The following FKTN variants were observed in gnomAD, a reference collection of about 807,000 sequenced individuals.
The protein encoded by FKTN is fukutin, also known as ribitol-5-phosphate transferase FKTN.
Under a neutral mutation model 58.6 loss-of-function variants are expected in FKTN, and 47 were observed. The ratio of observed to expected loss-of-function variants is 0.80; its 90% CI spans 0.63 to 1.02. The LOEUF (loss-of-function observed/expected upper bound fraction) is 1.02, where lower values mean the gene tolerates loss of function less well. FKTN is among the 50% of genes least tolerant of loss of function. The probability of loss-of-function intolerance (pLI) is 0.00; values close to 1 mark genes in which losing one functional copy is unlikely to be tolerated. For missense variants in FKTN, 516 were observed against 537.3 expected (o/e 0.96, Z 0.39); for synonymous variants, 178 against 191.9 (o/e 0.93, Z 0.60).
intron 3 of FKTN, among the ~76,000 whole-genome samples, chr9:105,580,619 T>C (rs1842710244): frequency 1.6e-5 from 1 of 61,034 alleles, no homozygotes; most frequent in African/African-American, 7.0e-5. Context: ...TCATTTCAAC[T>C]TTGGTGAATC....
intron 3 of FKTN, among the ~76,000 whole-genome samples, chr9:105,589,336 C>G (rs1423521135): frequency 6.6e-6 from 1 of 151,988 alleles, no homozygotes; most frequent in Non-Finnish European, 1.5e-5. Context: ...TGTCTCTACC[C>G]CAAATACCAA....
chr9:105,615,743 T>C (rs62575144), intron 8 of FKTN, among the ~76,000 whole-genome samples: 41,029 of 151,816 alleles, frequency 0.27, 5,765 homozygotes, highest in Non-Finnish European at 0.31. Context: ...AAATCTCCGA[T>C]AGTACTGAAC....
intron 1 of FKTN, among the ~76,000 whole-genome samples, chr9:105,563,538 G>A (rs1051393286): frequency 2.0e-5 from 3 of 152,118 alleles, no homozygotes; most frequent in Admixed American, 1.3e-4. Context: ...CTATGCCCAC[G>A]GAGCCTCACT....
intron 3 of FKTN, among the ~76,000 whole-genome samples, chr9:105,577,277 T>C (rs1381577807): frequency 2.8e-5 from 4 of 143,102 alleles, no homozygotes; most frequent in Non-Finnish European, 6.1e-5. Context: ...GCCTAGGTTT[T>C]CTTCTAGGGT....
At chr9:105,558,591 A>G (rs893787217) in intron 1 of FKTN, among the ~76,000 whole-genome samples, 2 of 151,826 alleles carry the variant, frequency 1.3e-5, no homozygotes, top group South Asian at 2.1e-4. Context: ...CTCATTTAAC[A>G]TGAGGTAAGC....
chr9:105,621,766 C>T (rs914868203), intron 10 of FKTN, among the ~76,000 whole-genome samples: 4 of 152,038 alleles, frequency 2.6e-5, no homozygotes, highest in Non-Finnish European at 4.4e-5. Context: ...ATAGAAATAG[C>T]TGCATTTTAT....
chr9:105,582,929 C>G (rs561710075), intron 3 of FKTN, among the ~76,000 whole-genome samples: 1 of 152,282 alleles, frequency 6.6e-6, no homozygotes, highest in African/African-American at 2.4e-5. Context: ...CTGTCCATAT[C>G]TATAAGTCTA....
chr9:105,614,973 T>TC (rs1243350242), intron 7 of FKTN, among the ~76,000 whole-genome samples: 14 of 151,796 alleles, frequency 9.2e-5, no homozygotes, highest in African/African-American at 3.1e-4. Flanking sequence ...AACCTCCACC[T>TC]CCCGGGTTCA....
At chr9:105,629,443 G>GA (rs1833130783) in intron 10 of FKTN, among the ~76,000 whole-genome samples, 1 of 152,110 alleles carries the variant, frequency 6.6e-6, no homozygotes, top group South Asian at 2.1e-4. Context: ...TATGAAAATT[G>GA]AAACTATAAT....
At chr9:105,589,375 G>C (rs1844455368) in intron 3 of FKTN, among the ~76,000 whole-genome samples, 1 of 152,024 alleles carries the variant, frequency 6.6e-6, no homozygotes, top group African/African-American at 2.4e-5. Flanking sequence ...GCATATGCCT[G>C]CCTGTAATCC....
At chr9:105,618,234 T>C in intron 9 of FKTN, 142 bp downstream of exon 9, 1 of 767,172 alleles carries the variant, frequency 1.3e-6, no homozygotes, top group Non-Finnish European at 2.3e-6. Flanking sequence ...AGCAGAAGCC[T>C]GTTACCACTT....
At chr9:105,613,044 G>A (rs1830207908) in intron 7 of FKTN, among the ~76,000 whole-genome samples, 1 of 152,156 alleles carries the variant, frequency 6.6e-6, no homozygotes, top group Non-Finnish European at 1.5e-5. Context: ...TGTCCATATG[G>A]GAGCAGTACC....
intron 1 of FKTN, among the ~76,000 whole-genome samples, chr9:105,571,400 C>G (rs934389345): frequency 6.6e-6 from 1 of 152,072 alleles, no homozygotes; most frequent in African/African-American, 2.4e-5. Context: ...GAATCTTTCT[C>G]TTTTGTGACT....
At chr9:105,630,751 CTA>C (rs1833319605) in intron 10 of FKTN, among the ~76,000 whole-genome samples, 1 of 152,084 alleles carries the variant, frequency 6.6e-6, no homozygotes, top group Admixed American at 6.6e-5. Context: ...AACAAAAACA[CTA>C]TGATTGTTTT....
intron 3 of FKTN, among the ~76,000 whole-genome samples, chr9:105,582,018 C>G (rs1386480666): frequency 6.6e-6 from 1 of 152,196 alleles, no homozygotes; most frequent in East Asian, 1.9e-4. Flanking sequence ...CCTCGCCCTG[C>G]TTCGGCTCGC....
chr9:105,617,027 G>C (rs1830947953), intron 8 of FKTN, among the ~76,000 whole-genome samples: 1 of 152,052 alleles, frequency 6.6e-6, no homozygotes, highest in South Asian at 2.1e-4. Flanking sequence ...TCAGTCCCAT[G>C]GTTTTCTGTC....
At position 105,601,272 on chromosome 9, in the gene FKTN, C is replaced by T. The variant is rs376452959; in HGVS notation, c.293C>T (p.Thr98Ile). 8 of 1,612,598 alleles carry T rather than the reference C, an allele frequency of 5.0e-6. No individual in the cohort carries two copies. The African/African-American group carries it at 9.3e-5, about 19-fold the overall frequency. ...GTCAAAAATACTTCTCATGGCTCTA[C>T]TTCACAATGCAAGTTTTTCTGTGTT... ...EQVKNTSHGS[T>I]SQCKFFCVPR... The change falls in exon 5 of 11, where the codon ACT becomes ATT. Residue 98 changes from threonine to isoleucine, a missense_variant. Physicochemically the swap from Thr to Ile is moderately conservative, Grantham distance 89. Transcript: ENST00000357998.
intron 10 of FKTN, among the ~76,000 whole-genome samples, chr9:105,632,227 A>G (rs1184750866): frequency 1.3e-5 from 2 of 151,604 alleles, no homozygotes; most frequent in East Asian, 3.9e-4. Context: ...ATGAGATCAC[A>G]TGGACACAGG....
At position 105,638,843 on chromosome 9, in the gene FKTN, T is replaced by C. The variant is rs1455301695; in HGVS notation, c.*3579T>C. The C allele has an allele frequency of 1.0e-6, 1 of 984,784 alleles. No individual in the cohort carries two copies. Among genetic ancestry groups the C allele is most frequent in the Non-Finnish European group, 1.2e-6 (1 of 829,468 alleles). 61.0% of individuals were successfully genotyped at this position (984,784 alleles called of 1,614,324 possible). A position where few individuals can be genotyped will look rare whatever the true frequency, so the allele number is the denominator to read the frequency against. On this transcript the variant is annotated 3_prime_UTR_variant, in exon 11 of 11. Transcript: ENST00000357998. ...TTTTGAGTTTGTGACCTCAAACCAT[T>C]GTTTTTATTCTTACACGACTACAGT...
Sources: gnomAD v4.1 joint callset for allele counts (sites outside exome capture counted in the v4.1 genomes callset) on GRCh38, gnomAD v4.1.1 for gene constraint, MANE v1.5 for transcripts, NCBI Gene and HGNC (gene_info 2026-07-23, HGNC 2026-07-21) for gene names.